The following CHAF1B variants were observed in gnomAD, a reference collection of about 807,000 sequenced individuals.
The protein encoded by CHAF1B is CAF-1 subunit B.
In CHAF1B, 10 loss-of-function variants were observed where a neutral mutation model predicts 60.7. That is an observed-to-expected ratio of 0.16 (90% CI 0.10 to 0.28). The LOEUF (loss-of-function observed/expected upper bound fraction) is 0.28, where lower values mean the gene tolerates loss of function less well. Among genes scored for constraint, CHAF1B ranks in the 10% least tolerant of loss-of-function variants. The pLI is 1.00. For synonymous variants in CHAF1B, 261 were observed against 266.1 expected (o/e 0.98, Z 0.19); for missense variants, 558 against 708.4 (o/e 0.79, Z 2.41).
rs1382505513 is a variant in CHAF1B, at chr21:36,418,601, C to T, written c.*2235C>T. The stretch of plus-strand genomic sequence containing the variant: ...TGGTGGCTCACACCTGTAATCCCAG[C>T]ACTTTGGGAGGCCAAGGTGGGTGGA... On this transcript the variant is annotated 3_prime_UTR_variant, in exon 14 of 14. Coordinates refer to ENST00000314103, the MANE Select transcript of CHAF1B (RefSeq NM_005441.3). 6.6e-6 allele frequency: 1 copy of T among 152,168 alleles called. No homozygotes were observed. The highest frequency in any genetic ancestry group is 1.5e-5 in the Non-Finnish European group (1 of 68,154). The allele number at this position is 152,168 out of a possible 1,614,324, so 9.4% of individuals were successfully genotyped here.
intron 7 of CHAF1B, among the ~76,000 whole-genome samples, chr21:36,400,235 T>G (rs1325490908): frequency 6.6e-6 from 1 of 151,808 alleles, no homozygotes; most frequent in Non-Finnish European, 1.5e-5. Context: ...ATCCTAGCAC[T>G]TTGGGAGGCT....
In CHAF1B at chr21:36,413,309, C is replaced by T; in HGVS notation, c.1487C>T (p.Thr496Ile). The T allele has an allele frequency of 1.9e-6, 3 of 1,570,986 alleles. No homozygotes were observed. The highest frequency in any genetic ancestry group is 2.6e-6 in the Non-Finnish European group (3 of 1,160,606). The change falls in exon 12 of 14, where the codon ACA becomes ATA. Residue 496 changes from threonine to isoleucine, a missense_variant. This residue lies in a region of CHAF1B where 233 missense variants were observed against 214.9 expected (regional missense o/e 1.08). Coordinates refer to ENST00000314103, the MANE Select transcript of CHAF1B (RefSeq NM_005441.3). ...LNTLQAWSKT[T>I]PRRINLTPLK... ...ACACTGCAAGCCTGGAGCAAGACAA[C>T]ACCCCGGTAAGAACTTGTTGGAACA...
intron 8 of CHAF1B, among the ~76,000 whole-genome samples, 183 bp from the exon 9 acceptor site, chr21:36,408,578 G>A (rs186611662): frequency 6.6e-6 from 1 of 152,308 alleles, no homozygotes; most frequent in Admixed American, 6.5e-5. Context: ...ACTGGAGTAA[G>A]GGCTGAGAAC....
At chr21:36,402,963 C>T (rs999317202) in intron 8 of CHAF1B, 112 bp downstream of exon 8, 22 of 834,166 alleles carry the variant, frequency 2.6e-5, no homozygotes, top group Admixed American at 6.3e-5. Context: ...TGGGGGTCCC[C>T]GACTTACCTG....
intron 6 of CHAF1B, chr21:36,398,055 A>G (rs976016610): frequency 3.8e-5 from 5 of 132,718 alleles, no homozygotes; most frequent in Non-Finnish European, 8.2e-5. Flanking sequence ...TATTATTACT[A>G]TTTTTTTTTT....
At position 36,413,280 on chromosome 21, in the gene CHAF1B, G is replaced by A. The variant is rs141027936; in HGVS notation, c.1458G>A (p.Leu486=). ...CCCACCCATCCCGGAGGGTCACTCT[G>A]AACACACTGCAAGCCTGGAGCAAGA... ...TKAHPSRRVT[L]NTLQAWSKTT... Residue 486 remains leucine, a synonymous_variant, in exon 12 of 14, where the codon CTG becomes CTA. Transcript: ENST00000314103. 2.3e-4 allele frequency: 366 copies of A among 1,607,186 alleles called. No homozygotes were observed. The African/African-American group carries it at 4.5e-3, about 20-fold the overall frequency.
chr21:36,413,332 A>G lies in CHAF1B; in HGVS notation c.1493+17A>G. ...AACACCCCGGTAAGAACTTGTTGGA[A>G]CAAGATGTCATTGCAAAATGAAACA... On this transcript the variant is annotated intron_variant, in intron 12 of 13. Coordinates refer to ENST00000314103, the MANE Select transcript of CHAF1B (RefSeq NM_005441.3). 1 of 1,534,654 alleles carries G rather than the reference A, an allele frequency of 6.5e-7. No individual in the cohort carries two copies. The highest frequency in any genetic ancestry group is 8.7e-7 in the Non-Finnish European group (1 of 1,145,258).
At chr21:36,391,744 TTTTTC>T in intron 4 of CHAF1B, 76 bp downstream of exon 4, 1 of 983,318 alleles carries the variant, frequency 1.0e-6, no homozygotes, top group South Asian at 1.3e-5. Flanking sequence ...TTTGACTTTT[TTTTTC>T]TTTTCTTTTG....
In CHAF1B at chr21:36,417,994, TTAA is replaced by T. The variant is rs2086331358; in HGVS notation, c.*1629_*1631del. The T allele has an allele frequency of 6.6e-6, 1 of 152,078 alleles. No homozygotes were observed. Among genetic ancestry groups the T allele is most frequent in the Non-Finnish European group, 1.5e-5 (1 of 68,024 alleles). 9.4% of individuals were successfully genotyped at this position (152,078 alleles called of 1,614,324 possible). ...TTTCCCTGGATACGGTCTGTTCTGG[TTAA>T]ATGCATTTCCACTGAAAGCATTTTT... is the stretch of plus-strand genomic sequence containing the variant. On this transcript the variant is annotated 3_prime_UTR_variant, in exon 14 of 14. Coordinates refer to ENST00000314103, the MANE Select transcript of CHAF1B (RefSeq NM_005441.3).
At chr21:36,409,158 A>G (rs1283370799) in intron 9 of CHAF1B, among the ~76,000 whole-genome samples, 2 of 94,646 alleles carry the variant, frequency 2.1e-5, no homozygotes, top group Admixed American at 2.3e-4. Context: ...CCCGGCTTGT[A>G]TTTTTTTTTT....
chr21:36,402,381 T>C (rs1272698767), intron 7 of CHAF1B, among the ~76,000 whole-genome samples: 1 of 152,206 alleles, frequency 6.6e-6, no homozygotes, highest in African/African-American at 2.4e-5. Flanking sequence ...CCTGGTCATC[T>C]TCCCACTGTC....
chr21:36,406,137 C>T (rs2086236505), intron 8 of CHAF1B, among the ~76,000 whole-genome samples: 1 of 152,090 alleles, frequency 6.6e-6, no homozygotes, highest in Non-Finnish European at 1.5e-5. Context: ...TATATGACCT[C>T]AGGTGCTGTT....
chr21:36,409,574 T>C, intron 10 of CHAF1B, 109 bp downstream of exon 10: 1 of 639,166 alleles, frequency 1.6e-6, no homozygotes. Context: ...TATCTGGGTT[T>C]GGTTCAGTTC....
rs149255074 is a variant in CHAF1B, at chr21:36,390,013, G to A, written c.260-1538G>A. Among the ~76,000 whole-genome samples the A allele has an allele frequency of 7.4e-4, 112 of 152,212 alleles. 2 individuals carry two copies. In the East Asian group the frequency reaches 0.013, roughly 17 times the overall value. ...GTTAACCAAGCTCCCAGACTAATGTGTGCGAATAGGATTCCGGTTAACTTA... is the reference window on the plus strand; with the variant it reads ...GTTAACCAAGCTCCCAGACTAATGTATGCGAATAGGATTCCGGTTAACTTA... On this transcript the variant is annotated intron_variant, in intron 3 of 13. Transcript: ENST00000314103.
chr21:36,411,363 C>A, intron 10 of CHAF1B, 100 bp from the exon 11 acceptor site: 1 of 1,430,898 alleles, frequency 7.0e-7, no homozygotes, highest in South Asian at 1.3e-5. Flanking sequence ...ATCCACCCGG[C>A]TCGGCCTCCC....
chr21:36,414,392 A>G (rs2086301852), intron 12 of CHAF1B, among the ~76,000 whole-genome samples: 1 of 152,194 alleles, frequency 6.6e-6, no homozygotes, highest in African/African-American at 2.4e-5. Flanking sequence ...TGCTGGCTTT[A>G]ACGCCCTCTT....
chr21:36,397,317 G>A (rs978275260), intron 5 of CHAF1B, 98 bp from the exon 6 acceptor site: 2 of 501,514 alleles, frequency 4.0e-6, no homozygotes, highest in South Asian at 7.7e-5. Flanking sequence ...GTGATGCGTG[G>A]TAAAGGGAAT....
At position 36,415,349 on chromosome 21, in the gene CHAF1B, C is replaced by A; in HGVS notation, c.1548C>A (p.Thr516=). ...KTDTPPSSVP[T]SVISTPSTEE... ...ACACTCCACCAAGTTCTGTACCAAC[C>A]AGTGTGATTTCCACCCCTTCTACAG... Residue 516 remains threonine, a synonymous_variant, in exon 13 of 14, where the codon ACC becomes ACA. Transcript: ENST00000314103. The A allele has an allele frequency of 6.2e-7, 1 of 1,612,244 alleles. No homozygotes were observed.
chr21:36,391,638 A>T lies in CHAF1B; in HGVS notation c.347A>T (p.Lys116Met). The T allele has an allele frequency of 6.2e-7, 1 of 1,613,362 alleles. No homozygotes were observed. Among genetic ancestry groups the T allele is most frequent in the Non-Finnish European group, 8.5e-7 (1 of 1,179,450 alleles). The change falls in exon 4 of 14, where the codon AAG (lysine) becomes ATG (methionine). Residue 116 changes from lysine (K) to methionine (M), a missense_variant. By Grantham distance (95) the Lys-to-Met change is moderately conservative. Around this residue, in one of 2 missense-constraint regions of CHAF1B, gnomAD observed 325 missense variants for 493.5 expected, o/e 0.66. Transcript: ENST00000314103. ...FQDEDEAQLN[K>M]ENWTVVKTLR... ...GATGAGGACGAGGCCCAGCTGAACA[A>T]GGAGAACTGGACGGTTGTGAAGACT...
Sources: gnomAD v4.1 joint callset for allele counts (sites outside exome capture counted in the v4.1 genomes callset) on GRCh38, gnomAD v4.1.1 for gene constraint, gnomAD v4.1.1 regional missense constraint, MANE v1.5 for transcripts, NCBI Gene and HGNC (gene_info 2026-07-23, HGNC 2026-07-21) for gene names.